UBASH3B: variants seen among roughly 807,000 people sequenced by gnomAD.
UBASH3B encodes the protein ubiquitin associated and SH3 domain containing B.
In UBASH3B, 37 loss-of-function variants were observed where a neutral mutation model predicts 83.4. The observed-to-expected ratio is 0.44, with a 90% CI of 0.34 to 0.58. The LOEUF is 0.58. UBASH3B is among the 20% of genes least tolerant of loss of function. UBASH3B has a pLI of 0.01. For synonymous variants in UBASH3B, 304 were observed against 318.3 expected, an observed-to-expected ratio of 0.96 and a Z score of 0.48; for missense variants, 657 against 827.2, an observed-to-expected ratio of 0.79 and a Z score of 2.52.
intron 1 of UBASH3B, among the ~76,000 whole-genome samples, chr11:122,760,615 C>T (rs2135975899): frequency 6.6e-6 from 1 of 152,264 alleles, no homozygotes; most frequent in East Asian, 1.9e-4. Context: ...CCCACCTTGG[C>T]CTCCCAAAAT....
intron 1 of UBASH3B, among the ~76,000 whole-genome samples, chr11:122,724,999 C>T (rs1490623831): frequency 6.6e-6 from 1 of 151,416 alleles, no homozygotes. Context: ...TTCCCCCAGG[C>T]TGGAGTGCAG....
intron 1 of UBASH3B, among the ~76,000 whole-genome samples, chr11:122,663,583 T>C (rs1162069626): frequency 6.6e-6 from 1 of 152,190 alleles, no homozygotes; most frequent in Non-Finnish European, 1.5e-5. Flanking sequence ...TAGGGAATCC[T>C]GTGTCTCCCG....
chr11:122,702,725 A>T (rs1194085608), intron 1 of UBASH3B, among the ~76,000 whole-genome samples: 1 of 152,126 alleles, frequency 6.6e-6, no homozygotes, highest in Non-Finnish European at 1.5e-5. Flanking sequence ...GGGTTTCACC[A>T]TGTCAGCCAG....
In UBASH3B at chr11:122,810,084, C is replaced by T. The variant is rs1861414357; in HGVS notation, c.*198C>T. The stretch of plus-strand genomic sequence containing the variant: ...GATTCAGAGGAAAAAAATGTGTTCT[C>T]TCTGGACTCTTGCCTAGCTCACAAG... On this transcript the variant is annotated 3_prime_UTR_variant, in exon 14 of 14. Transcript: ENST00000284273. The T allele has an allele frequency of 5.0e-6, 3 of 600,564 alleles. No homozygotes were observed. Among genetic ancestry groups the T allele is most frequent in the South Asian group, 5.0e-5 (2 of 40,074 alleles). The allele number at this position is 600,564 out of a possible 1,614,324, so 37.2% of individuals were successfully genotyped here.
At chr11:122,688,988 G>C (rs888710923) in intron 1 of UBASH3B, among the ~76,000 whole-genome samples, 1 of 150,634 alleles carries the variant, frequency 6.6e-6, no homozygotes, top group Non-Finnish European at 1.5e-5. Context: ...CGGGGGGGGG[G>C]GGGGTTCCAC....
chr11:122,702,231 T>C (rs1405596600), intron 1 of UBASH3B, among the ~76,000 whole-genome samples: 6 of 152,186 alleles, frequency 3.9e-5, no homozygotes, highest in African/African-American at 9.7e-5. Context: ...GCTTTAGTAA[T>C]GAATCCAAGT....
intron 1 of UBASH3B, among the ~76,000 whole-genome samples, chr11:122,716,708 G>A (rs1335617275): frequency 6.6e-6 from 1 of 152,162 alleles, no homozygotes; most frequent in Admixed American, 6.5e-5. Flanking sequence ...TCCACCTGAA[G>A]GCAGGTAATG....
intron 1 of UBASH3B, among the ~76,000 whole-genome samples, chr11:122,746,687 T>C (rs1861123370): frequency 6.6e-6 from 1 of 152,230 alleles, no homozygotes; most frequent in Non-Finnish European, 1.5e-5. Context: ...AGAGAGCTGC[T>C]CTGCTATCTG....
chr11:122,745,960 A>G (rs1205758629), intron 1 of UBASH3B, among the ~76,000 whole-genome samples: 1 of 152,220 alleles, frequency 6.6e-6, no homozygotes, highest in Non-Finnish European at 1.5e-5. Context: ...GAGCTCCTTG[A>G]GGCCAGAGAC....
At chr11:122,695,253 C>T (rs975893761) in intron 1 of UBASH3B, among the ~76,000 whole-genome samples, 1 of 152,122 alleles carries the variant, frequency 6.6e-6, no homozygotes, top group East Asian at 1.9e-4. Flanking sequence ...CGTGAGCCAC[C>T]GCGCCCGGCC....
chr11:122,715,034 C>A (rs1051224441), intron 1 of UBASH3B, among the ~76,000 whole-genome samples: 3 of 152,154 alleles, frequency 2.0e-5, no homozygotes, highest in Non-Finnish European at 2.9e-5. Flanking sequence ...CAAGCTCCGC[C>A]TCCCGGGTTC....
intron 1 of UBASH3B, among the ~76,000 whole-genome samples, chr11:122,712,901 T>TTTTTG (rs1184139042): frequency 2.5e-4 from 21 of 82,992 alleles, no homozygotes; most frequent in African/African-American, 1.2e-3. Context: ...GGGTGGTTTT[T>TTTTTG]TTTTTTTTTT....
At chr11:122,658,337 A>G (rs1863391456) in intron 1 of UBASH3B, among the ~76,000 whole-genome samples, 1 of 152,234 alleles carries the variant, frequency 6.6e-6, no homozygotes, top group African/African-American at 2.4e-5. Flanking sequence ...TGAACTCCTC[A>G]GTCATATTTG....
Position 122,655,883 on chromosome 11 carries a change from C to T in UBASH3B, c.-167C>T. ...TGGCTCCTGTGGCCTCACCAGGAAG[C>T]GTCAGAGTCCCGACACTGGGGAAGC... On this transcript the variant is annotated 5_prime_UTR_variant, in exon 1 of 14. Transcript: ENST00000284273. 2 of 718,258 alleles carry T rather than the reference C, an allele frequency of 2.8e-6. No homozygotes were observed. The highest frequency in any genetic ancestry group is 4.5e-5 in the South Asian group (2 of 44,380). 44.5% of individuals were successfully genotyped at this position (718,258 alleles called of 1,614,324 possible).
chr11:122,709,912 T>C (rs1004313177), intron 1 of UBASH3B, among the ~76,000 whole-genome samples: 1 of 152,102 alleles, frequency 6.6e-6, no homozygotes, highest in Non-Finnish European at 1.5e-5. Flanking sequence ...ATCCCAGCAC[T>C]TTGGGAGGCT....
At chr11:122,767,951 A>C (rs1349207563) in intron 1 of UBASH3B, among the ~76,000 whole-genome samples, 2 of 152,206 alleles carry the variant, frequency 1.3e-5, no homozygotes, top group Non-Finnish European at 2.9e-5. Flanking sequence ...TTTGGACCTT[A>C]AACATGGACC....
In UBASH3B at chr11:122,714,976, C is replaced by T. The variant is rs532155769; in HGVS notation, c.161+58766C>T. Among the ~76,000 whole-genome samples the T allele has an allele frequency of 4.6e-5, 7 of 152,282 alleles. No homozygotes were observed. In the East Asian group the frequency reaches 5.8e-4, roughly 13 times the overall value. ...CTTGTTGTTTTTTGAGATGGAGTCT[C>T]GCTCTGTCGCCCGGGCTGGAGTGCA... On this transcript the variant is annotated intron_variant, in intron 1 of 13. Coordinates refer to ENST00000284273, the MANE Select transcript of UBASH3B (RefSeq NM_032873.5).
Position 122,808,190 on chromosome 11 carries a change from G to C in UBASH3B, c.1812+14G>C. 6.2e-7 allele frequency: 1 copy of C among 1,604,786 alleles called. No individual in the cohort carries two copies. The highest frequency in any genetic ancestry group is 8.5e-7 in the Non-Finnish European group (1 of 1,171,682). ...ATGGTCCGAAAGGTAATTCATTCTCGTACTTTGGGGTCCGTGATGGCTAGT... is the reference window on the plus strand; with the variant it reads ...ATGGTCCGAAAGGTAATTCATTCTCCTACTTTGGGGTCCGTGATGGCTAGT... On this transcript the variant is annotated intron_variant, in intron 13 of 13. Transcript: ENST00000284273.
chr11:122,675,342 G>C (rs1361120744), intron 1 of UBASH3B, among the ~76,000 whole-genome samples: 1 of 152,218 alleles, frequency 6.6e-6, no homozygotes, highest in Non-Finnish European at 1.5e-5. Context: ...GTTGTTTTGA[G>C]TGTTGGTTCT....
Sources: allele counts gnomAD v4.1 joint callset (sites outside exome capture counted in the v4.1 genomes callset), GRCh38; gene constraint gnomAD v4.1.1; transcripts MANE v1.5; gene names NCBI Gene and HGNC (gene_info 2026-07-23, HGNC 2026-07-21).